MEAK7: variants seen among roughly 807,000 people sequenced by gnomAD.
MEAK7 encodes MTOR-associated protein MEAK7.
A neutral mutation model predicts 40.5 loss-of-function variants in MEAK7; 68 were observed. The ratio of observed to expected loss-of-function variants is 1.68; its 90% CI spans 1.38 to 2.06. MEAK7 has a LOEUF of 2.06. MEAK7 is among the 30% of genes most tolerant of loss of function. The pLI is 0.00. For missense variants in MEAK7, 918 were observed against 580.5 expected (o/e 1.58, Z -5.98); for synonymous variants, 338 against 231.9 (o/e 1.46, Z -4.16).
In MEAK7 at chr16:84,480,698, C is replaced by G. The variant is rs770312745; in HGVS notation, c.1088G>C (p.Gly363Ala). The change falls in exon 7 of 8, where the codon GGG (glycine) becomes GCG (alanine). Residue 363 changes from glycine (G) to alanine (A), a missense_variant. Coordinates refer to ENST00000343629, the MANE Select transcript of MEAK7 (RefSeq NM_020947.4). ...CCAAAGCCCAAAGTAATTGTGCTGC[C>G]CCCCCATACCCTGCAAAGGAAGCCA... is the stretch of plus-strand genomic sequence containing the variant. Reference protein sequence around the residue: ...QTIPNGLGMGGQHNYFGLWVD... With the variant: ...QTIPNGLGMGAQHNYFGLWVD... 6.2e-6 allele frequency: 10 copies of G among 1,611,608 alleles called. No homozygotes were observed. In the Admixed American group the frequency reaches 8.4e-5, roughly 14 times the overall value.
At chr16:84,503,903 A>C in intron 1 of MEAK7, 1 of 983,264 alleles carries the variant, frequency 1.0e-6, no homozygotes, top group Non-Finnish European at 1.2e-6. Flanking sequence ...CCAAGCTCCA[A>C]CTCTCTACTC....
chr16:84,502,012 T>C (rs1914543530), intron 1 of MEAK7, among the ~76,000 whole-genome samples: 1 of 151,942 alleles, frequency 6.6e-6, no homozygotes, highest in South Asian at 2.1e-4. Context: ...GGTGTGGTGG[T>C]GCATGCCTGT....
At position 84,497,213 on chromosome 16, in the gene MEAK7, G is replaced by A. The variant is rs752172642; in HGVS notation, c.153+721C>T. On this transcript the variant is annotated intron_variant, in intron 2 of 7. Transcript: ENST00000343629. ...GAGGAGGCTGCTAGGATGGCTGCCT[G>A]GACTCCCAGGAAGATGAGCTGACGG... 6.5e-4 allele frequency: 223 copies of A among 344,870 alleles called. 1 individual carries two copies. The highest frequency in any genetic ancestry group is 1.3e-3 in the South Asian group (57 of 43,472). 21.4% of individuals were successfully genotyped at this position (344,870 alleles called of 1,614,324 possible). A position where few individuals can be genotyped will look rare whatever the true frequency, so the allele number is the denominator to read the frequency against.
At chr16:84,491,401 T>G (rs1223497282) in intron 3 of MEAK7, among the ~76,000 whole-genome samples, 2 of 151,976 alleles carry the variant, frequency 1.3e-5, no homozygotes, top group South Asian at 4.1e-4. Context: ...TAACCAGGTA[T>G]GGTGACACAC....
Position 84,477,897 on chromosome 16 carries a change from T to A in MEAK7, c.*2016A>T, listed in dbSNP as rs1464448901. On this transcript the variant is annotated 3_prime_UTR_variant, in exon 8 of 8. Coordinates refer to ENST00000343629, the MANE Select transcript of MEAK7 (RefSeq NM_020947.4). ...GCCAGTGACCTTTCTCTAAGTGCAC[T>A]GCCTGGAAGCAGGTGCATTCGTGAT... 1 of 152,072 alleles carries A rather than the reference T, an allele frequency of 6.6e-6. No individual in the cohort carries two copies. The highest frequency in any genetic ancestry group is 1.9e-4 in the East Asian group (1 of 5,168). The allele number at this position is 152,072 out of a possible 1,614,324, so 9.4% of individuals were successfully genotyped here.
At chr16:84,487,139 T>A in intron 4 of MEAK7, 80 bp from the exon 5 acceptor site, 1 of 1,415,614 alleles carries the variant, frequency 7.1e-7, no homozygotes, top group Non-Finnish European at 9.5e-7. Flanking sequence ...CTGATCAGTG[T>A]GGGAGCCACG....
intron 3 of MEAK7, among the ~76,000 whole-genome samples, chr16:84,493,183 T>C (rs1264696044): frequency 6.6e-6 from 1 of 152,238 alleles, no homozygotes; most frequent in Non-Finnish European, 1.5e-5. Flanking sequence ...TACTATTATG[T>C]AAAGTTGTTG....
At position 84,482,701 on chromosome 16, in the gene MEAK7, C is replaced by T; in HGVS notation, c.968G>A (p.Arg323Lys). The T allele has an allele frequency of 6.2e-7, 1 of 1,614,178 alleles. No individual in the cohort carries two copies. The highest frequency in any genetic ancestry group is 8.5e-7 in the Non-Finnish European group (1 of 1,180,010). The part of the protein sequence containing the change: ...EVKPQFQGDN[R>K]CFLFSICPSM... ...GGGGCAGATGGAGAACAGGAAGCAT[C>T]TGTTGTCCCCTGAAAGTAGCCAGAG... The change falls in exon 6 of 8, where the codon AGA becomes AAA. Residue 323 changes from arginine (R) to lysine (K), a missense_variant. Arg to Lys is a conservative substitution (Grantham distance 26). Transcript: ENST00000343629.
chr16:84,477,533 T>C lies in MEAK7; in HGVS notation c.*2380A>G, dbSNP rs970296384. 15 of 143,090 alleles carry C rather than the reference T, an allele frequency of 1.0e-4. No individual in the cohort carries two copies. Among genetic ancestry groups the C allele is most frequent in the African/African-American group, 4.0e-4 (15 of 37,778 alleles). The allele number at this position is 143,090 out of a possible 1,614,324, so 8.9% of individuals were successfully genotyped here. ...TAAAAAATATGGTGGGAGAAAATAATAGCTTGCAATGTGGCAATCATTTAT... is the reference window on the plus strand; with the variant it reads ...TAAAAAATATGGTGGGAGAAAATAACAGCTTGCAATGTGGCAATCATTTAT... On this transcript the variant is annotated 3_prime_UTR_variant, in exon 8 of 8. Transcript: ENST00000343629.
chr16:84,488,915 A>T (rs935194651), intron 4 of MEAK7, among the ~76,000 whole-genome samples: 1 of 152,204 alleles, frequency 6.6e-6, no homozygotes, highest in Non-Finnish European at 1.5e-5. Flanking sequence ...AGCAAACAGA[A>T]GGAAGAAAAT....
At chr16:84,489,493 A>C in intron 3 of MEAK7, 71 bp from the exon 4 acceptor site, 1 of 1,500,472 alleles carries the variant, frequency 6.7e-7, no homozygotes, top group South Asian at 1.3e-5. Context: ...GCCCACATGG[A>C]GAAGGGCAAT....
intron 6 of MEAK7, among the ~76,000 whole-genome samples, chr16:84,481,361 C>A (rs915079835): frequency 6.6e-6 from 1 of 152,236 alleles, no homozygotes; most frequent in South Asian, 2.1e-4. Context: ...GAGACCCGAG[C>A]ACACTGCCCA....
At chr16:84,483,642 A>G (rs1347326109) in intron 5 of MEAK7, among the ~76,000 whole-genome samples, 1 of 152,232 alleles carries the variant, frequency 6.6e-6, no homozygotes, top group African/African-American at 2.4e-5. Flanking sequence ...GCAAGCCAAC[A>G]GGGCTCAGTC....
Position 84,497,985 on chromosome 16 carries a change from A to G in MEAK7, c.102T>C (p.Asp34=). 1.9e-6 allele frequency: 3 copies of G among 1,614,210 alleles called. No individual in the cohort carries two copies. The highest frequency in any genetic ancestry group is 1.3e-5 in the African/African-American group (1 of 75,056). Residue 34 remains aspartate (D), a synonymous_variant, in exon 2 of 8, where the codon GAT becomes GAC. Transcript: ENST00000343629. ...TGGATGAGACATTCGGGCTGTTTTT[A>G]TCTGATGACAGAGCATCAAACAATT... ...IDQLFDALSS[D]KNSPNVSSKS... is the part of the protein sequence containing the mutation.
rs1912216765 is a variant in MEAK7 at position 84,478,337 on chromosome 16, T to C, written c.*1576A>G. On this transcript the variant is annotated 3_prime_UTR_variant, in exon 8 of 8. Coordinates refer to ENST00000343629, the MANE Select transcript of MEAK7 (RefSeq NM_020947.4). ...ACACTGTCTGAGCGTGCACTTTTCT[T>C]TCGAAGGCTAATTTATGAGGCATTC... 6.6e-6 allele frequency: 1 copy of C among 152,200 alleles called. No individual in the cohort carries two copies. The highest frequency in any genetic ancestry group is 6.5e-5 in the Admixed American group (1 of 15,288). The allele number at this position is 152,200 out of a possible 1,614,324, so 9.4% of individuals were successfully genotyped here.
chr16:84,491,911 C>A (rs564705079), intron 3 of MEAK7, among the ~76,000 whole-genome samples: 2 of 151,490 alleles, frequency 1.3e-5, no homozygotes, highest in Admixed American at 1.3e-4. Context: ...ATCCATGTAA[C>A]ATTTTGTATT....
chr16:84,498,105 G>C lies in MEAK7; in HGVS notation c.-19C>G. The C allele has an allele frequency of 6.4e-7, 1 of 1,565,508 alleles. No individual in the cohort carries two copies. Among genetic ancestry groups the C allele is most frequent in the Non-Finnish European group, 8.6e-7 (1 of 1,159,008 alleles). On this transcript the variant is annotated 5_prime_UTR_variant, in exon 2 of 8. Coordinates refer to ENST00000343629, the MANE Select transcript of MEAK7 (RefSeq NM_020947.4). ...TCCCCATCTGTCCTGATATCTGGCA[G>C]AATTCTCTGCAGAAGGAAAAGACAC...
At chr16:84,504,551 G>A in intron 1 of MEAK7, 50 bp downstream of exon 1, 5 of 973,516 alleles carry the variant, frequency 5.1e-6, no homozygotes, top group Non-Finnish European at 6.1e-6. Context: ...GACTCAGCTG[G>A]GCCTGCGCCT....
chr16:84,484,766 G>A (rs977904317), intron 5 of MEAK7, among the ~76,000 whole-genome samples: 18 of 152,152 alleles, frequency 1.2e-4, no homozygotes, highest in African/African-American at 3.9e-4. Context: ...CACGCTCTCC[G>A]AACTTGACCC....
Sources: allele counts gnomAD v4.1 joint callset (sites outside exome capture counted in the v4.1 genomes callset), GRCh38; gene constraint gnomAD v4.1.1; transcripts MANE v1.5; gene names NCBI Gene and HGNC (gene_info 2026-07-23, HGNC 2026-07-21).